The following HMGA2 variants were observed in gnomAD, a reference collection of about 807,000 sequenced individuals.
The protein encoded by HMGA2 is high mobility group protein HMGI-C.
Under a neutral mutation model 19.1 loss-of-function variants are expected in HMGA2, and 8 were observed. That is an observed-to-expected ratio of 0.42 (90% CI 0.25 to 0.76). HMGA2 has a LOEUF of 0.76. HMGA2 is among the 30% of genes least tolerant of loss of function. HMGA2 has a pLI of 0.28. For synonymous variants in HMGA2, 60 were observed against 48.8 expected, an observed-to-expected ratio of 1.23 and a Z score of -0.96; for missense variants, 109 against 136.3, an observed-to-expected ratio of 0.80 and a Z score of 1.00.
intron 3 of HMGA2, among the ~76,000 whole-genome samples, chr12:65,944,946 A>C (rs1315563872): frequency 2.6e-5 from 4 of 152,102 alleles, no homozygotes; most frequent in Admixed American, 6.5e-5. Flanking sequence ...ATCATAGCAC[A>C]CTGCAGCCTC....
intron 2 of HMGA2, among the ~76,000 whole-genome samples, chr12:65,836,646 C>T (rs1236079181): frequency 6.6e-6 from 1 of 152,208 alleles, no homozygotes; most frequent in Non-Finnish European, 1.5e-5. Context: ...TGAGGCAATG[C>T]TCTGAAGAGG....
chr12:65,856,181 G>A (rs191682326), intron 3 of HMGA2: 24 of 152,276 alleles, frequency 1.6e-4, no homozygotes, highest in Admixed American at 1.5e-3. Context: ...CATGGCTTGA[G>A]GCAAATGGAA....
intron 3 of HMGA2, among the ~76,000 whole-genome samples, chr12:65,845,532 G>C (rs1484314549): frequency 6.6e-6 from 1 of 152,144 alleles, no homozygotes; most frequent in Non-Finnish European, 1.5e-5. Context: ...GCCTCCAAAA[G>C]TGTTGGGATT....
At chr12:65,934,607 C>T (rs181471798) in intron 3 of HMGA2, among the ~76,000 whole-genome samples, 101 of 152,280 alleles carry the variant, frequency 6.6e-4, no homozygotes, top group African/African-American at 2.4e-3. Flanking sequence ...GGTACACCCA[C>T]AAATGTCATC....
intron 3 of HMGA2, among the ~76,000 whole-genome samples, chr12:65,885,105 G>A (rs1012742723): frequency 2.6e-5 from 4 of 152,082 alleles, no homozygotes; most frequent in East Asian, 1.9e-4. Context: ...TAGCTCTGTA[G>A]TAAGTAGTTT....
At chr12:65,883,970 A>G (rs1873550685) in intron 3 of HMGA2, among the ~76,000 whole-genome samples, 1 of 152,170 alleles carries the variant, frequency 6.6e-6, no homozygotes, top group Non-Finnish European at 1.5e-5. Context: ...GGTTCAAGCA[A>G]TTCTCTTGCC....
intron 3 of HMGA2, among the ~76,000 whole-genome samples, chr12:65,945,230 T>G (rs1876224489): frequency 6.7e-6 from 1 of 149,972 alleles, no homozygotes; most frequent in Non-Finnish European, 1.5e-5. Flanking sequence ...GAGGTTCTTA[T>G]GCTTTAAAAA....
chr12:65,910,408 T>A (rs1592439132), intron 3 of HMGA2, among the ~76,000 whole-genome samples: 1 of 152,226 alleles, frequency 6.6e-6, no homozygotes, highest in Non-Finnish European at 1.5e-5. Flanking sequence ...ACCGAGGTAC[T>A]GCATTAAATC....
intron 3 of HMGA2, among the ~76,000 whole-genome samples, chr12:65,847,804 T>C (rs1871291085): frequency 6.6e-6 from 1 of 152,238 alleles, no homozygotes. Flanking sequence ...CTCAGGCCCA[T>C]AATGGTGCTT....
intron 3 of HMGA2, among the ~76,000 whole-genome samples, chr12:65,841,046 T>C (rs1165785870): frequency 6.6e-6 from 1 of 152,168 alleles, no homozygotes; most frequent in Non-Finnish European, 1.5e-5. Flanking sequence ...TCGAAGTCAT[T>C]CAGTTTACAT....
intron 3 of HMGA2, among the ~76,000 whole-genome samples, chr12:65,928,849 T>A (rs2087330770): frequency 6.6e-6 from 1 of 152,192 alleles, no homozygotes; most frequent in African/African-American, 2.4e-5. Context: ...GAAACGTCAT[T>A]ATGTGGTGCA....
chr12:65,907,589 A>G (rs1330683261), intron 3 of HMGA2, among the ~76,000 whole-genome samples: 3 of 152,124 alleles, frequency 2.0e-5, no homozygotes, highest in South Asian at 2.1e-4. Context: ...TAGGAGGCCT[A>G]TTCTTTGGGG....
At chr12:65,958,698 TACAC>T (rs1414131480) in intron 4 of HMGA2, 3 of 152,154 alleles carry the variant, frequency 2.0e-5, no homozygotes, top group African/African-American at 7.2e-5. Context: ...AAGTTGAACA[TACAC>T]AGATGACAAA....
chr12:65,949,502 C>G (rs537582474), intron 3 of HMGA2, among the ~76,000 whole-genome samples: 4 of 152,048 alleles, frequency 2.6e-5, no homozygotes, highest in African/African-American at 9.7e-5. Flanking sequence ...CAAATCTCAG[C>G]GATGTGTAGA....
At chr12:65,900,719 A>G (rs971880567) in intron 3 of HMGA2, among the ~76,000 whole-genome samples, 1 of 152,220 alleles carries the variant, frequency 6.6e-6, no homozygotes, top group Admixed American at 6.5e-5. Context: ...AAGCGCTGGT[A>G]ATTACTGAAC....
At chr12:65,962,150 T>C (rs1381410327) in intron 4 of HMGA2, among the ~76,000 whole-genome samples, 1 of 152,356 alleles carries the variant, frequency 6.6e-6, no homozygotes, top group Admixed American at 6.5e-5. Flanking sequence ...CCCAGATCTT[T>C]TTCACATGCC....
chr12:65,830,731 T>C (rs1443323516), intron 2 of HMGA2: 1 of 151,934 alleles, frequency 6.6e-6, no homozygotes, highest in African/African-American at 2.4e-5. Context: ...GGACAATGCA[T>C]GCAGAATGTT....
At chr12:65,849,069 T>C (rs1201785942) in intron 3 of HMGA2, among the ~76,000 whole-genome samples, 5 of 152,204 alleles carry the variant, frequency 3.3e-5, no homozygotes, top group African/African-American at 1.2e-4. Flanking sequence ...ACTGTTTGTT[T>C]TGCGGTCCCT....
intron 3 of HMGA2, among the ~76,000 whole-genome samples, chr12:65,944,935 G>A (rs886825782): frequency 2.6e-5 from 4 of 151,518 alleles, no homozygotes; most frequent in Admixed American, 2.6e-4. Flanking sequence ...TCACAGGTGC[G>A]ATCATAGCAC....
Sources: gnomAD v4.1 joint callset for allele counts (sites outside exome capture counted in the v4.1 genomes callset) on GRCh38, gnomAD v4.1.1 for gene constraint, MANE v1.5 for transcripts, NCBI Gene and HGNC (gene_info 2026-07-23, HGNC 2026-07-21) for gene names.